The following RPS6KA2 variants were observed in gnomAD, a reference collection of about 807,000 sequenced individuals.
RPS6KA2 encodes the protein ribosomal protein S6 kinase A2.
A neutral mutation model predicts 91.8 loss-of-function variants in RPS6KA2; 42 were observed. That is an observed-to-expected ratio of 0.46 (90% CI 0.36 to 0.59). The LOEUF is 0.59. RPS6KA2 is among the 20% of genes least tolerant of loss of function. RPS6KA2 has a pLI of 0.00. For missense variants in RPS6KA2, 798 were observed against 978.5 expected, an observed-to-expected ratio of 0.82 and a Z score of 2.46; for synonymous variants, 414 against 393.6, an observed-to-expected ratio of 1.05 and a Z score of -0.61.
intron 7 of RPS6KA2, 122 bp from the exon 8 acceptor site, chr6:166,498,772 C>G: frequency 7.9e-7 from 1 of 1,270,098 alleles, no homozygotes; most frequent in South Asian, 1.3e-5. Flanking sequence ...CGCAGCAGAG[C>G]CCTGCTCAGC....
At chr6:166,723,911 G>C (rs960311717) in intron 2 of RPS6KA2, among the ~76,000 whole-genome samples, 2 of 152,004 alleles carry the variant, frequency 1.3e-5, no homozygotes, top group South Asian at 4.2e-4. Flanking sequence ...TGTTGGCCAG[G>C]CTGGCCTCGA....
intron 6 of RPS6KA2, among the ~76,000 whole-genome samples, chr6:166,502,397 A>T (rs1396536756): frequency 1.3e-5 from 2 of 152,264 alleles, no homozygotes; most frequent in African/African-American, 4.8e-5. Flanking sequence ...GCACCTTTCA[A>T]GATTAATTCT....
At chr6:166,680,695 A>G (rs1302045112) in intron 2 of RPS6KA2, among the ~76,000 whole-genome samples, 1 of 152,184 alleles carries the variant, frequency 6.6e-6, no homozygotes, top group Admixed American at 6.5e-5. Context: ...GAGACCATGA[A>G]CCCACCAGAA....
chr6:166,775,540 C>T (rs762313325), intron 2 of RPS6KA2, among the ~76,000 whole-genome samples: 13 of 152,210 alleles, frequency 8.5e-5, no homozygotes, highest in Non-Finnish European at 1.3e-4. Flanking sequence ...ACAGGGTCCA[C>T]GTTGTAGGAA....
chr6:166,465,434 T>TGG (rs1315289634), intron 11 of RPS6KA2: 3 of 152,258 alleles, frequency 2.0e-5, no homozygotes, highest in African/African-American at 7.2e-5. Flanking sequence ...GGGCTGCTAC[T>TGG]GGGGCCGCAG....
rs2128558131 is a variant in RPS6KA2 at position 166,662,640 on chromosome 6, A to C, written c.124-123856T>G. Among the ~76,000 whole-genome samples, 2 of 152,270 alleles carry C rather than the reference A, an allele frequency of 1.3e-5. No homozygotes were observed. The highest frequency in any genetic ancestry group is 4.2e-4 in the South Asian group (2 of 4,818). ...ATAGTGTTGGGAGTATATGAATTTG[A>C]CTTGTGTATCATATACCTGGATTCT... On this transcript the variant is annotated intron_variant, in intron 2 of 21. Coordinates refer to the RPS6KA2 transcript ENST00000503859. The surrounding 1 kb of genome is among the most constrained non-coding windows in gnomAD (Gnocchi z 4.3).
intron 2 of RPS6KA2, among the ~76,000 whole-genome samples, chr6:166,816,300 C>T (rs1246618517): frequency 6.6e-6 from 1 of 150,794 alleles, no homozygotes; most frequent in Non-Finnish European, 1.5e-5. Flanking sequence ...AATCCTAGCA[C>T]TTTGGGAGGC....
At chr6:166,631,805 C>A (rs1787086106), upstream of RPS6KA2, among the ~76,000 whole-genome samples, 1 of 152,194 alleles carries the variant, frequency 6.6e-6, no homozygotes, top group African/African-American at 2.4e-5. Context: ...ACAGAGCAGT[C>A]ATAGACACAG....
intron 1 of RPS6KA2, among the ~76,000 whole-genome samples, chr6:166,597,853 C>T (rs1179064662): frequency 1.3e-5 from 2 of 152,156 alleles, no homozygotes; most frequent in African/African-American, 4.8e-5. Flanking sequence ...GAGAGCAGGA[C>T]TCTGCTCTCT....
intron 2 of RPS6KA2, among the ~76,000 whole-genome samples, chr6:166,680,437 T>C (rs1788758230): frequency 1.3e-5 from 2 of 152,198 alleles, no homozygotes; most frequent in African/African-American, 4.8e-5. Context: ...GAGACCTACC[T>C]GCTCTGGTCC....
At chr6:166,755,736 T>C (rs1349221774) in intron 2 of RPS6KA2, among the ~76,000 whole-genome samples, 1 of 152,156 alleles carries the variant, frequency 6.6e-6, no homozygotes, top group African/African-American at 2.4e-5. Context: ...CTTTCGGACG[T>C]AAGACGGGGT....
chr6:166,697,750 A>G (rs866242806), intron 2 of RPS6KA2, among the ~76,000 whole-genome samples: 8 of 152,176 alleles, frequency 5.3e-5, no homozygotes, highest in Non-Finnish European at 1.0e-4. Flanking sequence ...TCTTTGCTAC[A>G]GGGTTTGTTT....
Position 166,479,732 on chromosome 6 carries a change from G to A in RPS6KA2, c.907+9101C>T, listed in dbSNP as rs187032124. On this transcript the variant is annotated intron_variant, in intron 10 of 20. Coordinates refer to ENST00000265678, the MANE Select transcript of RPS6KA2 (RefSeq NM_021135.6). The stretch of plus-strand genomic sequence containing the variant: ...CATATTGGCATGAATGAGGTGAAAG[G>A]AAAAGCTCCCCTTCTGCCCGTCCCT... 1.2e-3 allele frequency among the ~76,000 whole-genome samples: 187 copies of A among 152,322 alleles called. 1 individual carries two copies. Among genetic ancestry groups the A allele is most frequent in the African/African-American group, 4.1e-3 (169 of 41,566 alleles).
At chr6:166,476,305 A>G (rs911850319) in intron 10 of RPS6KA2, among the ~76,000 whole-genome samples, 5 of 152,196 alleles carry the variant, frequency 3.3e-5, no homozygotes, top group African/African-American at 1.2e-4. Context: ...TCTGGCCTCC[A>G]GAGCTGCGGG....
chr6:166,706,933 C>T (rs1789696040), intron 2 of RPS6KA2, among the ~76,000 whole-genome samples: 1 of 152,170 alleles, frequency 6.6e-6, no homozygotes, highest in Non-Finnish European at 1.5e-5. Context: ...TTTTGAAAAA[C>T]ATTAAGAGTA....
rs1331794300 is a variant in RPS6KA2 at position 166,433,072 on chromosome 6, T to C, written c.1333-582A>G. Among the ~76,000 whole-genome samples the C allele has an allele frequency of 6.6e-6, 1 of 150,860 alleles. No homozygotes were observed. The highest frequency in any genetic ancestry group is 2.4e-5 in the African/African-American group (1 of 40,892). On this transcript the variant is annotated intron_variant, in intron 14 of 20. Coordinates refer to ENST00000265678, the MANE Select transcript of RPS6KA2 (RefSeq NM_021135.6). The surrounding 1 kb of genome is among the most constrained non-coding windows in gnomAD (Gnocchi z 4.4). ...TTATAAGGTTGGGTGGAGACACGTG[T>C]AGGGAGCTCATGCAAGTGCCACCAA...
chr6:166,669,614 C>G (rs1023858071), intron 2 of RPS6KA2, among the ~76,000 whole-genome samples: 4 of 152,210 alleles, frequency 2.6e-5, no homozygotes, highest in African/African-American at 9.6e-5. Flanking sequence ...TTCCAAGTCT[C>G]GCTGCCTTCT....
At position 166,500,765 on chromosome 6, in the gene RPS6KA2, A is replaced by T; in HGVS notation, c.604+122T>A. ...TAGCTATAGAAAATTCTGCCAAATC[A>T]GAGACAAGCATCTGGCAAAGGGAAG... On this transcript the variant is annotated intron_variant, in intron 7 of 20. Coordinates refer to ENST00000265678, the MANE Select transcript of RPS6KA2 (RefSeq NM_021135.6). The surrounding 1 kb of genome is among the most constrained non-coding windows in gnomAD (Gnocchi z 4.3). 1 of 888,952 alleles carries T rather than the reference A, an allele frequency of 1.1e-6. No individual in the cohort carries two copies. Among genetic ancestry groups the T allele is most frequent in the Non-Finnish European group, 1.8e-6 (1 of 549,108 alleles). 55.1% of individuals were successfully genotyped at this position (888,952 alleles called of 1,614,324 possible).
intron 3 of RPS6KA2, among the ~76,000 whole-genome samples, chr6:166,530,705 G>A (rs1274424409): frequency 6.6e-6 from 1 of 152,214 alleles, no homozygotes; most frequent in Non-Finnish European, 1.5e-5. Flanking sequence ...GCCTGGAACG[G>A]AGATTTTGGA....
Sources: allele counts gnomAD v4.1 joint callset (sites outside exome capture counted in the v4.1 genomes callset), GRCh38; gene constraint gnomAD v4.1.1; non-coding constraint Gnocchi (gnomAD v3.1); transcripts MANE v1.5; gene names NCBI Gene and HGNC (gene_info 2026-07-23, HGNC 2026-07-21).